GATM: variants seen among roughly 807,000 people sequenced by gnomAD.
The protein encoded by GATM is glycine amidinotransferase, mitochondrial.
In GATM, 23 loss-of-function variants were observed where a neutral mutation model predicts 54.2. That is an observed-to-expected ratio of 0.42 (90% CI 0.31 to 0.60). GATM has a LOEUF of 0.60. Ranked by LOEUF, GATM falls within the 20% of genes least tolerant of loss-of-function variation. The pLI, the probability that GATM is intolerant of heterozygous loss-of-function variation, is 0.14. For missense variants in GATM, 401 were observed against 544.9 expected, an observed-to-expected ratio of 0.74 and a Z score of 2.63; for synonymous variants, 168 against 183.1, an observed-to-expected ratio of 0.92 and a Z score of 0.67.
Position 45,366,470 on chromosome 15 carries a change from C to A in GATM, c.714G>T (p.Leu238Phe). ...TTGTCACAAATTTTCCCTGAGCAGC[C>A]AATTTGTGTCTGTCTTCTACAGAGT... ...PIHSVEDRHK[L>F]AAQGKFVTTE... The change falls in exon 5 of 9, where the codon TTG becomes TTT. Residue 238 changes from leucine (L) to phenylalanine (F), a missense_variant. By Grantham distance (22) the Leu-to-Phe change is conservative. Transcript: ENST00000396659. 6.2e-7 allele frequency: 1 copy of A among 1,614,076 alleles called. No individual in the cohort carries two copies. The highest frequency in any genetic ancestry group is 8.5e-7 in the Non-Finnish European group (1 of 1,179,982).
intron 1 of GATM, among the ~76,000 whole-genome samples, chr15:45,401,175 TGTCAA>T (rs1379995565): frequency 1.3e-5 from 2 of 152,212 alleles, no homozygotes; most frequent in Admixed American, 6.5e-5. Context: ...GGTAAGTTAC[TGTCAA>T]GTCAAGAAGT....
upstream of GATM, among the ~76,000 whole-genome samples, chr15:45,382,345 T>C (rs1218858080): frequency 6.6e-6 from 1 of 152,212 alleles, no homozygotes; most frequent in African/African-American, 2.4e-5. Flanking sequence ...GCTGGAAAGA[T>C]GAAGATCTCA....
chr15:45,393,767 T>C (rs1218331015), intron 3 of GATM, among the ~76,000 whole-genome samples: 1 of 152,218 alleles, frequency 6.6e-6, no homozygotes, highest in East Asian at 1.9e-4. Context: ...ATCCAAAATC[T>C]GAAATGCTGT....
chr15:45,388,627 A>G (rs1282791431), intron 3 of GATM, among the ~76,000 whole-genome samples: 2 of 152,132 alleles, frequency 1.3e-5, no homozygotes, highest in Non-Finnish European at 2.9e-5. Flanking sequence ...TTTGTAGTCT[A>G]TGCTTTGAAC....
chr15:45,379,505 G>A (rs1243511563), upstream of GATM: 3 of 152,310 alleles, frequency 2.0e-5, no homozygotes, highest in Non-Finnish European at 4.4e-5. Context: ...GGTGGAAAGA[G>A]CCTCCGAGAG....
At chr15:45,393,464 A>G (rs1471489988) in intron 3 of GATM, among the ~76,000 whole-genome samples, 1 of 152,176 alleles carries the variant, frequency 6.6e-6, no homozygotes, top group African/African-American at 2.4e-5. Context: ...TGGGAGGATT[A>G]AATGAGATCA....
chr15:45,375,962 A>T (rs763960126), intron 2 of GATM, among the ~76,000 whole-genome samples: 2 of 152,164 alleles, frequency 1.3e-5, no homozygotes, highest in Non-Finnish European at 2.9e-5. Context: ...TGAGCTCCCA[A>T]CCTTTAGGGA....
upstream of GATM, among the ~76,000 whole-genome samples, chr15:45,382,961 C>G (rs569193576): frequency 6.6e-6 from 1 of 152,246 alleles, no homozygotes; most frequent in South Asian, 2.1e-4. Context: ...CTTTCTAAAT[C>G]TGAAATGCTG....
At chr15:45,378,314 C>G in intron 1 of GATM, 71 bp downstream of exon 1, 1 of 1,243,952 alleles carries the variant, frequency 8.0e-7, no homozygotes, top group Admixed American at 2.3e-5. Flanking sequence ...AGGGAGCGAG[C>G]GAGTGCTCCA....
At chr15:45,376,449 A>G in intron 2 of GATM, 152 bp downstream of exon 2, 2 of 740,588 alleles carry the variant, frequency 2.7e-6, no homozygotes, top group Non-Finnish European at 2.4e-6. Flanking sequence ...CATTGGTGTA[A>G]ATAGTGTCAA....
Position 45,369,449 on chromosome 15 carries a change from T to C in GATM, c.361A>G (p.Lys121Glu). Residue 121 changes from lysine (K) to glutamate (E), a missense_variant, in exon 3 of 9, where the codon AAA (lysine) becomes GAA (glutamate). Coordinates refer to ENST00000396659, the MANE Select transcript of GATM (RefSeq NM_001482.3). The part of the protein sequence containing the change: ...GGHYFPKDHL[K>E]KAVAEIEEMC... ...TCTTCAATTTCAGCAACAGCCTTTT[T>C]CAAATGATCTTTGGGAAAATAATGC... 6.2e-7 allele frequency: 1 copy of C among 1,614,192 alleles called. No individual in the cohort carries two copies. Among genetic ancestry groups the C allele is most frequent in the South Asian group, 1.1e-5 (1 of 91,080 alleles).
intron 1 of GATM, chr15:45,377,051 C>A: frequency 1.8e-6 from 1 of 553,570 alleles, no homozygotes; most frequent in African/African-American, 1.9e-5. Context: ...TGCTGTAACT[C>A]TTTAAAACTC....
intron 8 of GATM, among the ~76,000 whole-genome samples, chr15:45,362,434 G>A (rs563663993): frequency 6.6e-6 from 1 of 152,286 alleles, no homozygotes; most frequent in South Asian, 2.1e-4. Context: ...GAACTCTGAA[G>A]TTTTGTTCTA....
upstream of GATM, chr15:45,379,021 A>G (rs1015345374): frequency 6.6e-6 from 1 of 152,172 alleles, no homozygotes; most frequent in South Asian, 2.1e-4. Context: ...CAGAAAACTA[A>G]GTCTGGAAAT....
chr15:45,379,712 G>A (rs1337306740), upstream of GATM: 1 of 152,468 alleles, frequency 6.6e-6, no homozygotes, highest in Non-Finnish European at 1.5e-5. Context: ...ATGAGGCCGG[G>A]TGCAGTGGCT....
upstream of GATM, among the ~76,000 whole-genome samples, chr15:45,383,543 T>G (rs974714612): frequency 1.4e-3 from 211 of 152,086 alleles, 2 homozygotes; most frequent in Non-Finnish European, 3.1e-4. Flanking sequence ...TTCTCTTTCT[T>G]AAGGTTCTGA....
At chr15:45,393,514 T>A (rs1158600726) in intron 3 of GATM, among the ~76,000 whole-genome samples, 1 of 152,202 alleles carries the variant, frequency 6.6e-6, no homozygotes, top group Non-Finnish European at 1.5e-5. Flanking sequence ...ACTCTATCTG[T>A]GTAGCTATTA....
intron 2 of GATM, among the ~76,000 whole-genome samples, chr15:45,371,454 T>C (rs1323030142): frequency 1.3e-5 from 2 of 152,226 alleles, no homozygotes; most frequent in African/African-American, 2.4e-5. Flanking sequence ...GTCTCCACCA[T>C]AAATCAGATA....
chr15:45,396,896 A>G (rs1428396250), intron 3 of GATM: 1 of 144,944 alleles, frequency 6.9e-6, no homozygotes, highest in Non-Finnish European at 1.5e-5. Context: ...AAAAAAAGCC[A>G]TAAGTATGGT....
Sources: gnomAD v4.1 joint callset for allele counts (sites outside exome capture counted in the v4.1 genomes callset) on GRCh38, gnomAD v4.1.1 for gene constraint, MANE v1.5 for transcripts, NCBI Gene and HGNC (gene_info 2026-07-23, HGNC 2026-07-21) for gene names.